ATP10A: variants seen among roughly 807,000 people sequenced by gnomAD.
The protein encoded by ATP10A is phospholipid-transporting ATPase VA.
In ATP10A, 111 loss-of-function variants were observed where a neutral mutation model predicts 147.8. That is an observed-to-expected ratio of 0.75 (90% CI 0.64 to 0.88). ATP10A has a LOEUF of 0.88. Among genes scored for constraint, ATP10A ranks in the 40% least tolerant of loss-of-function variants. The probability of loss-of-function intolerance (pLI) is 0.00; values close to 1 mark genes in which losing one functional copy is unlikely to be tolerated. For synonymous variants in ATP10A, 875 were observed against 841.6 expected (o/e 1.04, Z -0.69); for missense variants, 1,927 against 1,959.0 (o/e 0.98, Z 0.31).
intron 3 of ATP10A, 100 bp downstream of exon 3, chr15:25,735,954 CAA>C: frequency 1.9e-6 from 2 of 1,062,752 alleles, no homozygotes; most frequent in Non-Finnish European, 2.9e-6. Context: ...CACCATGTGG[CAA>C]AGAGTATTAA....
At chr15:25,847,912 G>T (rs1442825186) in intron 1 of ATP10A, among the ~76,000 whole-genome samples, 1 of 151,984 alleles carries the variant, frequency 6.6e-6, no homozygotes, top group East Asian at 1.9e-4. Flanking sequence ...GATTACAGAT[G>T]TGAGCCACCA....
Position 25,786,873 on chromosome 15 carries a change from G to A in ATP10A, c.450-5650C>T, listed in dbSNP as rs1170037475. 6.7e-5 allele frequency among the ~76,000 whole-genome samples: 10 copies of A among 149,618 alleles called. No homozygotes were observed. In the Admixed American group the frequency reaches 6.7e-4, roughly 10 times the overall value. On this transcript the variant is annotated intron_variant, in intron 1 of 20. Coordinates refer to ENST00000555815, the MANE Select transcript of ATP10A (RefSeq NM_024490.4). ...GATGGTCTCAATCTCCTGACCTCAT[G>A]ATCTGCCCGTCTCGGCCTCCCAAAG...
chr15:25,754,912 C>A (rs1470651855), intron 2 of ATP10A, among the ~76,000 whole-genome samples: 1 of 152,172 alleles, frequency 6.6e-6, no homozygotes, highest in Non-Finnish European at 1.5e-5. Flanking sequence ...TATTGGCATT[C>A]AGGATCCTCA....
chr15:25,787,360 T>C (rs1474225985), intron 1 of ATP10A, among the ~76,000 whole-genome samples: 1 of 152,014 alleles, frequency 6.6e-6, no homozygotes, highest in Admixed American at 6.5e-5. Flanking sequence ...ACATCTGTAA[T>C]CCCAGCACTT....
At position 25,807,574 on chromosome 15, in the gene ATP10A, G is replaced by A. The variant is rs982139855; in HGVS notation, c.450-26351C>T. On this transcript the variant is annotated intron_variant, in intron 1 of 20. Transcript: ENST00000555815. ...TCCCAGCACTTTGGGAGGCCAAGGC[G>A]GGCAGATCACCTGAGGTCAAGAGTT... Among the ~76,000 whole-genome samples the A allele has an allele frequency of 5.3e-5, 8 of 152,140 alleles. No individual in the cohort carries two copies. The East Asian group carries it at 7.7e-4, about 15-fold the overall frequency.
At chr15:25,841,295 A>G (rs1465873516) in intron 1 of ATP10A, among the ~76,000 whole-genome samples, 1 of 142,104 alleles carries the variant, frequency 7.0e-6, no homozygotes, top group South Asian at 2.2e-4. Context: ...TTTTTTTTCT[A>G]ATGGATGTCT....
At chr15:25,811,787 G>A (rs1891444443) in intron 1 of ATP10A, among the ~76,000 whole-genome samples, 3 of 152,170 alleles carry the variant, frequency 2.0e-5, no homozygotes, top group Non-Finnish European at 4.4e-5. Context: ...GCCTGACCTC[G>A]TAGCACTTCC....
intron 1 of ATP10A, among the ~76,000 whole-genome samples, chr15:25,803,196 C>T (rs1361034007): frequency 1.3e-5 from 2 of 152,208 alleles, no homozygotes; most frequent in Non-Finnish European, 2.9e-5. Flanking sequence ...TGACACTGGT[C>T]TGTGCTGGTG....
rs2140366716 is a variant in ATP10A at position 25,708,083 on chromosome 15, T to C, written c.2468A>G (p.Tyr823Cys). 2 of 1,614,112 alleles carry C rather than the reference T, an allele frequency of 1.2e-6. No individual in the cohort carries two copies. The highest frequency in any genetic ancestry group is 2.2e-5 in the East Asian group (1 of 44,870). ...TAGGTGGCTTTGCAACCAGCAGGCA[T>C]ACTCTTCTTTACTCAGAACCTATGG... Reference protein sequence around the residue: ...IAKRVLSKEEYACWLQSHLEA... With the variant: ...IAKRVLSKEECACWLQSHLEA... Residue 823 changes from tyrosine (Y) to cysteine (C), a missense_variant, in exon 12 of 21, where the codon TAT becomes TGT. Tyr to Cys is a radical substitution (Grantham distance 194). Transcript: ENST00000555815.
chr15:25,701,193 C>T (rs541495842), intron 13 of ATP10A, among the ~76,000 whole-genome samples: 1 of 152,316 alleles, frequency 6.6e-6, no homozygotes, highest in African/African-American at 2.4e-5. Context: ...TGAGTGGGGG[C>T]TGCTGCAATA....
Position 25,721,805 on chromosome 15 carries a change from C to T in ATP10A, c.1215G>A (p.Ser405=), listed in dbSNP as rs531257724. Residue 405 remains serine (S), a synonymous_variant, in exon 7 of 21, where the codon TCG becomes TCA. Coordinates refer to ENST00000555815, the MANE Select transcript of ATP10A (RefSeq NM_024490.4). ...TGTTCAGAGCTCGGCACTGCAGCTGCGAGTCTGTTTCTTCGTCATACAACT... is the reference window on the plus strand; with the variant it reads ...TGTTCAGAGCTCGGCACTGCAGCTGTGAGTCTGTTTCTTCGTCATACAACT... The part of the protein sequence containing the change: ...DMQLYDEETD[S]QLQCRALNIT... The T allele has an allele frequency of 2.0e-5, 33 of 1,614,134 alleles. No individual in the cohort carries two copies. The African/African-American group carries it at 2.1e-4, about 10-fold the overall frequency.
chr15:25,834,833 A>T lies in ATP10A; in HGVS notation c.449+27815T>A, dbSNP rs570026810. Among the ~76,000 whole-genome samples, 14 of 152,362 alleles carry T rather than the reference A, an allele frequency of 9.2e-5. No homozygotes were observed. The East Asian group carries it at 2.7e-3, about 29-fold the overall frequency. ...GGCTACAATATGAATGAGCCTGCAA[A>T]CATGCTATGTGAACGAAACCAGTTA... is the stretch of plus-strand genomic sequence containing the variant. On this transcript the variant is annotated intron_variant, in intron 1 of 20. Coordinates refer to ENST00000555815, the MANE Select transcript of ATP10A (RefSeq NM_024490.4).
chr15:25,762,058 G>A (rs942010053), intron 2 of ATP10A, among the ~76,000 whole-genome samples: 9 of 152,188 alleles, frequency 5.9e-5, no homozygotes, highest in Non-Finnish European at 1.0e-4. Flanking sequence ...TGACTCAGGG[G>A]TCGGTTCCCC....
chr15:25,793,721 A>G (rs776333902), intron 1 of ATP10A, among the ~76,000 whole-genome samples: 1 of 152,236 alleles, frequency 6.6e-6, no homozygotes, highest in Non-Finnish European at 1.5e-5. Flanking sequence ...TGGCCTCCCA[A>G]GAGTTGTGGG....
chr15:25,791,572 A>G, intron 1 of ATP10A, among the ~76,000 whole-genome samples: 1 of 151,974 alleles, frequency 6.6e-6, no homozygotes, highest in East Asian at 2.0e-4. Context: ...TTGGTTGTAG[A>G]GACGGAGTCT....
chr15:25,721,634 G>C (rs768848858), intron 7 of ATP10A, 23 bp downstream of exon 7: 3 of 1,603,802 alleles, frequency 1.9e-6, no homozygotes, highest in Non-Finnish European at 1.7e-6. Flanking sequence ...CCTGGGTTGG[G>C]AGCCCCGCAC....
intron 12 of ATP10A, among the ~76,000 whole-genome samples, chr15:25,705,732 G>A (rs1400413489): frequency 2.0e-5 from 3 of 152,188 alleles, no homozygotes; most frequent in Non-Finnish European, 2.9e-5. Flanking sequence ...GCTCATTTCT[G>A]TGGTATAAAT....
intron 7 of ATP10A, 66 bp downstream of exon 7, chr15:25,721,591 A>G: frequency 6.5e-7 from 1 of 1,527,842 alleles, no homozygotes; most frequent in South Asian, 1.2e-5. Context: ...TGTGTCTCCA[A>G]ACAATTCTGG....
chr15:25,762,738 C>A (rs1888824318), intron 2 of ATP10A, among the ~76,000 whole-genome samples: 1 of 151,994 alleles, frequency 6.6e-6, no homozygotes, highest in South Asian at 2.1e-4. Flanking sequence ...TGGCACCATG[C>A]CCAGCTAAGT....
Sources: allele counts gnomAD v4.1 joint callset (sites outside exome capture counted in the v4.1 genomes callset), GRCh38; gene constraint gnomAD v4.1.1; transcripts MANE v1.5; gene names NCBI Gene and HGNC (gene_info 2026-07-23, HGNC 2026-07-21).